KLF12: variants seen among roughly 807,000 people sequenced by gnomAD.
KLF12 encodes the protein Krueppel-like factor 12.
In KLF12, 9 loss-of-function variants were observed where a neutral mutation model predicts 37.8. The ratio of observed to expected loss-of-function variants is 0.24; its 90% CI spans 0.14 to 0.42. The LOEUF is 0.42. Ranked by LOEUF, KLF12 falls within the 10% of genes least tolerant of loss-of-function variation. KLF12 has a pLI of 1.00. For synonymous variants in KLF12, 208 were observed against 202.1 expected (o/e 1.03, Z -0.25); for missense variants, 411 against 516.0 (o/e 0.80, Z 1.97).
chr13:74,009,185 T>C (rs1050629689), intron 1 of KLF12, among the ~76,000 whole-genome samples: 2 of 152,252 alleles, frequency 1.3e-5, no homozygotes, highest in Non-Finnish European at 2.9e-5. Context: ...TCTGTTTCCC[T>C]ACTGTTTTAT....
chr13:73,761,529 C>T (rs1879547658), intron 6 of KLF12, among the ~76,000 whole-genome samples: 1 of 152,156 alleles, frequency 6.6e-6, no homozygotes, highest in African/African-American at 2.4e-5. Context: ...ATTTACCTTC[C>T]TACAATTGCA....
intron 5 of KLF12, among the ~76,000 whole-genome samples, chr13:73,787,930 G>C (rs539873712): frequency 3.4e-4 from 52 of 152,234 alleles, no homozygotes; most frequent in African/African-American, 1.2e-3. Flanking sequence ...AGGGAAAAGA[G>C]AGGGACAGGA....
the KLF12 span, among the ~76,000 whole-genome samples, chr13:74,207,335 T>C: frequency 6.6e-6 from 1 of 152,162 alleles, no homozygotes; most frequent in Non-Finnish European, 1.5e-5. Context: ...ATACAAAGTA[T>C]GGGATGGGAA....
intron 3 of KLF12, among the ~76,000 whole-genome samples, chr13:73,894,639 GTTCAT>G (rs993628255): frequency 1.3e-5 from 2 of 152,066 alleles, no homozygotes; most frequent in Non-Finnish European, 2.9e-5. Flanking sequence ...CTAATAAAAT[GTTCAT>G]TTCATTTTAT....
At chr13:74,134,296 G>GGGCGGC (rs1471548374), upstream of KLF12, among the ~76,000 whole-genome samples, 1 of 151,996 alleles carries the variant, frequency 6.6e-6, no homozygotes, top group Admixed American at 6.5e-5. Context: ...CCGAGGGCGG[G>GGGCGGC]GGCGGCGGCG....
At chr13:73,906,022 A>G (rs1422116590) in intron 3 of KLF12, among the ~76,000 whole-genome samples, 1 of 152,154 alleles carries the variant, frequency 6.6e-6, no homozygotes, top group Non-Finnish European at 1.5e-5. Flanking sequence ...TTGGTTTAAT[A>G]TGTGTATTGA....
chr13:74,130,390 C>G (rs1878193263), intron 1 of KLF12, among the ~76,000 whole-genome samples: 1 of 152,152 alleles, frequency 6.6e-6, no homozygotes, highest in South Asian at 2.1e-4. Flanking sequence ...AAACTTGTAG[C>G]CAGCGCAGTC....
intron 6 of KLF12, among the ~76,000 whole-genome samples, chr13:73,723,465 G>C (rs1876425156): frequency 6.6e-6 from 1 of 151,884 alleles, no homozygotes; most frequent in African/African-American, 2.4e-5. Context: ...TATGTTTTAT[G>C]CCAGAAGTGA....
At chr13:74,026,101 C>G (rs1028879170) in intron 1 of KLF12, among the ~76,000 whole-genome samples, 2 of 150,314 alleles carry the variant, frequency 1.3e-5, no homozygotes, top group African/African-American at 4.9e-5. Flanking sequence ...TTATAAAGAT[C>G]GATTGCACAT....
intron 5 of KLF12, among the ~76,000 whole-genome samples, chr13:73,774,959 C>A (rs1880516049): frequency 6.7e-6 from 1 of 150,058 alleles, no homozygotes; most frequent in Non-Finnish European, 1.5e-5. Flanking sequence ...GCTCTGTAGC[C>A]CAGGCTGGAT....
chr13:74,283,523 G>A, the KLF12 span, among the ~76,000 whole-genome samples: 1 of 152,182 alleles, frequency 6.6e-6, no homozygotes, highest in Non-Finnish European at 1.5e-5. Flanking sequence ...ATTCCATGCA[G>A]ATACTCCTTT....
chr13:73,948,194 C>A (rs867433877), intron 2 of KLF12, among the ~76,000 whole-genome samples: 1 of 152,192 alleles, frequency 6.6e-6, no homozygotes, highest in South Asian at 2.1e-4. Context: ...AGATTCACTG[C>A]ACCAAGTTGG....
intron 3 of KLF12, among the ~76,000 whole-genome samples, chr13:73,894,278 G>A (rs905239088): frequency 5.9e-5 from 9 of 152,156 alleles, no homozygotes; most frequent in African/African-American, 2.2e-4. Flanking sequence ...CTCTCAAGAT[G>A]TCTACAAACC....
intron 6 of KLF12, among the ~76,000 whole-genome samples, chr13:73,756,971 A>G (rs947593773): frequency 6.6e-6 from 1 of 152,052 alleles, no homozygotes; most frequent in African/African-American, 2.4e-5. Context: ...GTCCTGAAAA[A>G]TCACCTTTTG....
intron 5 of KLF12, among the ~76,000 whole-genome samples, chr13:73,785,994 T>C (rs1357493491): frequency 6.6e-6 from 1 of 152,166 alleles, no homozygotes; most frequent in Admixed American, 6.5e-5. Flanking sequence ...CCTTTGCAAC[T>C]AAGCTTCTGT....
chr13:73,721,387 AAAC>A (rs1876235580), intron 6 of KLF12, among the ~76,000 whole-genome samples: 1 of 152,250 alleles, frequency 6.6e-6, no homozygotes, highest in African/African-American at 2.4e-5. Flanking sequence ...CAATTATATA[AAAC>A]AACAGCACAC....
chr13:73,698,460 A>G (rs1647932595), intron 7 of KLF12, among the ~76,000 whole-genome samples: 1 of 152,128 alleles, frequency 6.6e-6, no homozygotes, highest in Admixed American at 6.6e-5. Flanking sequence ...CTTCCTTAAA[A>G]TGATACCAGT....
chr13:73,854,739 T>C (rs1376163092), intron 3 of KLF12, among the ~76,000 whole-genome samples: 1 of 152,194 alleles, frequency 6.6e-6, no homozygotes, highest in Non-Finnish European at 1.5e-5. Flanking sequence ...ATACTTTAAA[T>C]TATCTCCACA....
At chr13:73,724,734 G>T (rs1186435204) in intron 6 of KLF12, among the ~76,000 whole-genome samples, 2 of 152,212 alleles carry the variant, frequency 1.3e-5, no homozygotes, top group African/African-American at 4.8e-5. Flanking sequence ...TTTAGAAGAT[G>T]AGAAAACTAA....
Sources: allele counts gnomAD v4.1 joint callset (sites outside exome capture counted in the v4.1 genomes callset), GRCh38; gene constraint gnomAD v4.1.1; transcripts MANE v1.5; gene names NCBI Gene and HGNC (gene_info 2026-07-23, HGNC 2026-07-21).